The following MYLK variants were observed in gnomAD, a reference collection of about 807,000 sequenced individuals.
The protein encoded by MYLK is myosin light chain kinase, also known as myosin light chain kinase, smooth muscle.
In MYLK, 106 loss-of-function variants were observed where a neutral mutation model predicts 203.4. The ratio of observed to expected loss-of-function variants is 0.52; its 90% confidence interval spans 0.45 to 0.61. MYLK has a LOEUF of 0.61. Ranked by LOEUF, MYLK falls within the 20% of genes least tolerant of loss-of-function variation. The pLI, the probability that MYLK is intolerant of heterozygous loss-of-function variation, is 0.00. For synonymous variants in MYLK, 867 were observed against 959.5 expected, an observed-to-expected ratio of 0.90 and a Z score of 1.78; for missense variants, 2,072 against 2,442.3, an observed-to-expected ratio of 0.85 and a Z score of 3.20.
chr3:123,626,863 G>A lies in MYLK; in HGVS notation c.5193C>T (p.Leu1731=), dbSNP rs765602351. The A allele has an allele frequency of 5.0e-6, 8 of 1,614,106 alleles. No individual in the cohort carries two copies. The African/African-American group carries it at 5.3e-5, about 11-fold the overall frequency. The change falls in exon 31 of 34, where the codon CTC becomes CTT. Residue 1731 remains leucine (L), a synonymous_variant. Coordinates refer to ENST00000360304, the MANE Select transcript of MYLK (RefSeq NM_053025.4). Reference sequence around the variant, plus strand: ...TGTACTTCTTCATCCGGTCCTTGGAGAGTTTCTTGGCCTCCATGTTCTTGG... The same window carrying A: ...TGTACTTCTTCATCCGGTCCTTGGAAAGTTTCTTGGCCTCCATGTTCTTGG... ...KDTKNMEAKK[L]SKDRMKKYMA... is the part of the protein sequence containing the mutation.
chr3:123,634,811 G>A (rs745383524), intron 29 of MYLK, among the ~76,000 whole-genome samples: 4 of 152,210 alleles, frequency 2.6e-5, no homozygotes, highest in Non-Finnish European at 4.4e-5. Flanking sequence ...GCTCTTAAAC[G>A]GAGGTGGACT....
chr3:123,688,600 A>T (rs2060548587), intron 19 of MYLK, among the ~76,000 whole-genome samples: 1 of 151,942 alleles, frequency 6.6e-6, no homozygotes, highest in African/African-American at 2.4e-5. Context: ...TTAGAATAAA[A>T]TCTCATTTTT....
At chr3:123,634,144 G>A (rs1471387986) in intron 29 of MYLK, among the ~76,000 whole-genome samples, 3 of 152,214 alleles carry the variant, frequency 2.0e-5, no homozygotes, top group Non-Finnish European at 4.4e-5. Context: ...AGAGGGCTGA[G>A]TAGGTCCACA....
intron 5 of MYLK, among the ~76,000 whole-genome samples, chr3:123,750,327 G>A (rs2108869847): frequency 1.3e-5 from 2 of 152,308 alleles, no homozygotes; most frequent in Middle Eastern, 6.8e-3. Flanking sequence ...GTGGGGTTGA[G>A]AGCCTTAGCC....
At chr3:123,766,358 G>C (rs548542648) in intron 4 of MYLK, among the ~76,000 whole-genome samples, 4 of 152,188 alleles carry the variant, frequency 2.6e-5, no homozygotes, top group Non-Finnish European at 5.9e-5. Context: ...GAAGTGGCTC[G>C]CAGCCTCGAG....
intron 4 of MYLK, among the ~76,000 whole-genome samples, chr3:123,791,104 C>G (rs999148075): frequency 6.6e-6 from 1 of 152,084 alleles, no homozygotes; most frequent in Non-Finnish European, 1.5e-5. Flanking sequence ...TAGAACAGGA[C>G]CTGGAGGGAG....
rs1229386165 is a variant in MYLK at position 123,647,209 on chromosome 3, C to A, written c.4619+15G>T. On this transcript the variant is annotated intron_variant, in intron 27 of 33. Transcript: ENST00000360304. ...CTCCCTGTGGTGCCCACGCTGCTGG[C>A]AGTGGGCCACTCACATCTCCAGGAC... 6.2e-7 allele frequency: 1 copy of A among 1,612,696 alleles called. No homozygotes were observed. The highest frequency in any genetic ancestry group is 8.5e-7 in the Non-Finnish European group (1 of 1,179,002).
Position 123,797,885 on chromosome 3 carries a change from C to T in MYLK, c.-3-4041G>A, listed in dbSNP as rs375755861. ...AGTTCCCAAAGGGATGCCCGTCTCT[C>T]CACCCTGAATATAGATATAGACCCT... On this transcript the variant is annotated intron_variant, in intron 3 of 33. Transcript: ENST00000360304. Among the ~76,000 whole-genome samples, 17 of 152,326 alleles carry T rather than the reference C, an allele frequency of 1.1e-4. No homozygotes were observed. In the East Asian group the frequency reaches 2.9e-3, roughly 26 times the overall value.
At chr3:123,707,623 C>T (rs751727796) in intron 16 of MYLK, 131 bp downstream of exon 16, 35 of 1,396,218 alleles carry the variant, frequency 2.5e-5, no homozygotes, top group African/African-American at 2.4e-4. Flanking sequence ...GCACTGAGCC[C>T]GCACTTGCTT....
chr3:123,740,544 G>C (rs1283516138), intron 5 of MYLK, among the ~76,000 whole-genome samples: 1 of 152,248 alleles, frequency 6.6e-6, no homozygotes, highest in Non-Finnish European at 1.5e-5. Flanking sequence ...AGCTGAAAGA[G>C]AGCAGGACAG....
chr3:123,842,806 A>G (rs1181669336), intron 2 of MYLK, among the ~76,000 whole-genome samples: 1 of 152,268 alleles, frequency 6.6e-6, no homozygotes, highest in Non-Finnish European at 1.5e-5. Context: ...TAGGGGATAC[A>G]TTAATGAACA....
At chr3:123,619,580 G>C (rs866537876) in intron 32 of MYLK, among the ~76,000 whole-genome samples, 3 of 152,302 alleles carry the variant, frequency 2.0e-5, no homozygotes, top group Middle Eastern at 6.8e-3. Context: ...GTCTGGCCCT[G>C]CATGCACCTG....
chr3:123,728,480 C>T (rs2062368404), intron 11 of MYLK, among the ~76,000 whole-genome samples: 2 of 152,110 alleles, frequency 1.3e-5, no homozygotes, highest in African/African-American at 4.8e-5. Context: ...GCACTCCAGT[C>T]TGGGTGACAG....
At chr3:123,643,138 C>T (rs1253195074) in intron 27 of MYLK, among the ~76,000 whole-genome samples, 2 of 152,200 alleles carry the variant, frequency 1.3e-5, no homozygotes, top group East Asian at 3.9e-4. Flanking sequence ...ATGTCCATAG[C>T]CTTGTCTCTG....
intron 2 of MYLK, among the ~76,000 whole-genome samples, chr3:123,864,831 A>G (rs2032213477): frequency 6.6e-6 from 1 of 152,186 alleles, no homozygotes; most frequent in Non-Finnish European, 1.5e-5. Context: ...GTTTGAGCCC[A>G]GGAGTTCGAG....
intron 18 of MYLK, chr3:123,693,457 G>A (rs2060771414): frequency 6.4e-6 from 1 of 157,262 alleles, no homozygotes; most frequent in African/African-American, 2.4e-5. Flanking sequence ...TTTAGGAAAG[G>A]TGTCTGAGCT....
At chr3:123,812,297 G>C (rs887227080) in intron 3 of MYLK, among the ~76,000 whole-genome samples, 2 of 152,180 alleles carry the variant, frequency 1.3e-5, no homozygotes, top group Admixed American at 6.5e-5. Flanking sequence ...ACCAAATGAG[G>C]GGCGGTCAGA....
chr3:123,864,037 C>T (rs1056535275), intron 2 of MYLK, among the ~76,000 whole-genome samples: 2 of 152,104 alleles, frequency 1.3e-5, no homozygotes, highest in African/African-American at 4.8e-5. Context: ...CGGACTGATA[C>T]ACAAAACAAC....
In MYLK at chr3:123,700,583, G is replaced by T. The variant is rs201266960; in HGVS notation, c.2885C>A (p.Thr962Asn). 4.3e-6 allele frequency: 7 copies of T among 1,613,606 alleles called. No individual in the cohort carries two copies. The highest frequency in any genetic ancestry group is 1.3e-5 in the African/African-American group (1 of 74,900). ...CTTCTCAGGCACGGGGGTCTTGGAA[G>T]TCCCCTTCTTGGCCAGGACAGAGCG... is the stretch of plus-strand genomic sequence containing the variant. ...DFRSVLAKKGTSKTPVPEKVP... is the reference protein window; with the variant it reads ...DFRSVLAKKGNSKTPVPEKVP... The change falls in exon 18 of 34, where the codon ACT (threonine) becomes AAT (asparagine). Residue 962 changes from threonine (T) to asparagine (N), a missense_variant. By Grantham distance (65) the Thr-to-Asn change is moderately conservative. This residue lies in a region of MYLK where 865 missense variants were observed against 1,016.0 expected (regional missense o/e 0.85). Coordinates refer to ENST00000360304, the MANE Select transcript of MYLK (RefSeq NM_053025.4).
Sources: allele counts gnomAD v4.1 joint callset (sites outside exome capture counted in the v4.1 genomes callset), GRCh38; gene constraint gnomAD v4.1.1; regional missense constraint gnomAD v4.1.1; transcripts MANE v1.5; gene names NCBI Gene and HGNC (gene_info 2026-07-23, HGNC 2026-07-21).